Variants in ARHGAP32 observed in about 807,000 individuals in gnomAD.
ARHGAP32 encodes rho GTPase-activating protein 32.
ARHGAP32 carries 51 observed loss-of-function variants against 186.5 expected under a neutral mutation model. The ratio of observed to expected loss-of-function variants is 0.27; its 90% CI spans 0.22 to 0.35. The LOEUF is 0.35. Ranked by LOEUF, ARHGAP32 falls within the 10% of genes least tolerant of loss-of-function variation. The probability of loss-of-function intolerance (pLI) is 1.00; values close to 1 mark genes in which losing one functional copy is unlikely to be tolerated. For synonymous variants in ARHGAP32, 950 were observed against 964.3 expected (o/e 0.99, Z 0.27); for missense variants, 2,186 against 2,623.5 (o/e 0.83, Z 3.64).
chr11:129,071,045 A>G (rs905721368), intron 6 of ARHGAP32, among the ~76,000 whole-genome samples: 5 of 152,080 alleles, frequency 3.3e-5, no homozygotes, highest in Admixed American at 2.6e-4. Flanking sequence ...TGATGGAACT[A>G]TTAGCCTTTT....
At chr11:129,201,061 C>T (rs1164297826) in intron 1 of ARHGAP32, among the ~76,000 whole-genome samples, 2 of 152,212 alleles carry the variant, frequency 1.3e-5, no homozygotes, top group South Asian at 4.1e-4. Flanking sequence ...ACAACAGAAA[C>T]CCATATTCTT....
chr11:129,270,583 A>G (rs747703478), intron 1 of ARHGAP32, among the ~76,000 whole-genome samples: 4 of 151,992 alleles, frequency 2.6e-5, no homozygotes, highest in Non-Finnish European at 5.9e-5. Flanking sequence ...TGATGTTTCA[A>G]TGTAGGCTCA....
At chr11:129,256,946 T>A (rs1640864380) in intron 1 of ARHGAP32, among the ~76,000 whole-genome samples, 1 of 152,140 alleles carries the variant, frequency 6.6e-6, no homozygotes, top group Non-Finnish European at 1.5e-5. Flanking sequence ...CAGCTTGTCA[T>A]CATGTCTAAT....
intron 1 of ARHGAP32, among the ~76,000 whole-genome samples, chr11:129,277,370 A>G (rs1383680775): frequency 6.6e-6 from 1 of 152,220 alleles, no homozygotes; most frequent in East Asian, 1.9e-4. Flanking sequence ...TCAAACCAAC[A>G]TCAAAGGCTC....
chr11:128,976,022 A>G (rs928010859), intron 20 of ARHGAP32, among the ~76,000 whole-genome samples: 3 of 152,022 alleles, frequency 2.0e-5, no homozygotes, highest in African/African-American at 7.2e-5. Flanking sequence ...GGTTGCAGTG[A>G]TCCAAGATTG....
chr11:129,218,718 C>T (rs1944676080), intron 1 of ARHGAP32, among the ~76,000 whole-genome samples: 1 of 150,886 alleles, frequency 6.6e-6, no homozygotes, highest in East Asian at 1.9e-4. Context: ...AGAACTTCCA[C>T]CCAGTGCTGA....
chr11:129,066,397 A>G (rs1940689919), intron 7 of ARHGAP32, among the ~76,000 whole-genome samples: 1 of 151,998 alleles, frequency 6.6e-6, no homozygotes, highest in African/African-American at 2.4e-5. Flanking sequence ...AAACTACTCA[A>G]CACTGTTAAT....
chr11:129,224,067 A>G (rs907053432), intron 1 of ARHGAP32, among the ~76,000 whole-genome samples: 2 of 152,174 alleles, frequency 1.3e-5, no homozygotes. Context: ...AAAAACCAAG[A>G]AACAGCTGAT....
chr11:129,242,172 C>A (rs776918329), intron 1 of ARHGAP32, among the ~76,000 whole-genome samples: 2 of 152,100 alleles, frequency 1.3e-5, no homozygotes, highest in Non-Finnish European at 2.9e-5. Context: ...GTGAGACAAG[C>A]AAACCACCTA....
chr11:129,009,303 GTAATT>G (rs1937950428), intron 11 of ARHGAP32, among the ~76,000 whole-genome samples: 1 of 151,918 alleles, frequency 6.6e-6, no homozygotes, highest in African/African-American at 2.4e-5. Context: ...CCCTTAACTG[GTAATT>G]ACTAGTATGC....
At chr11:129,050,355 TTTC>T (rs1294340140) in intron 10 of ARHGAP32, among the ~76,000 whole-genome samples, 2 of 152,198 alleles carry the variant, frequency 1.3e-5, no homozygotes, top group East Asian at 3.8e-4. Flanking sequence ...ATTGAATTGC[TTTC>T]TTCTTTAATT....
Position 128,969,840 on chromosome 11 carries a change from G to A in ARHGAP32, c.5373C>T (p.Thr1791=), listed in dbSNP as rs762786964. The A allele has an allele frequency of 6.2e-7, 1 of 1,614,150 alleles. No individual in the cohort carries two copies. Among genetic ancestry groups the A allele is most frequent in the Non-Finnish European group, 8.5e-7 (1 of 1,180,034 alleles). Residue 1791 remains threonine, a synonymous_variant, in exon 23 of 23, where the codon ACC becomes ACT. Transcript: ENST00000682385. The surrounding 1 kb of genome is among the most constrained non-coding windows in gnomAD (Gnocchi z 4.8). ...GPVMSQYDNM[T]PAVQDDLGGI... Reference sequence around the variant, plus strand: ...CACCCAAGTCGTCCTGCACCGCCGGGGTCATGTTATCATATTGGGACATGA... The same window carrying A: ...CACCCAAGTCGTCCTGCACCGCCGGAGTCATGTTATCATATTGGGACATGA...
In ARHGAP32 at chr11:129,123,611, T is replaced by A; in HGVS notation, c.360-81A>T. On this transcript the variant is annotated intron_variant, in intron 4 of 22. Transcript: ENST00000682385. This position sits in a 1 kb window ranked among gnomAD's most constrained non-coding sequence, Gnocchi z 4.6. Reference sequence around the variant, plus strand: ...GTTTAAGGGAAAAATACAGTGGATTTAAGAGCTCATGCAAGCAAAAATATT... The same window carrying A: ...GTTTAAGGGAAAAATACAGTGGATTAAAGAGCTCATGCAAGCAAAAATATT... 1 of 1,293,038 alleles carries A rather than the reference T, an allele frequency of 7.7e-7. No homozygotes were observed. The highest frequency in any genetic ancestry group is 1.1e-6 in the Non-Finnish European group (1 of 910,308). The allele number at this position is 1,293,038 out of a possible 1,614,324, so 80.1% of individuals were successfully genotyped here.
At chr11:129,269,278 A>T (rs539782950) in intron 1 of ARHGAP32, among the ~76,000 whole-genome samples, 13 of 151,954 alleles carry the variant, frequency 8.6e-5, no homozygotes, top group Admixed American at 3.3e-4. Context: ...CTCGAAAAAT[A>T]AATTAATTAA....
upstream of ARHGAP32, among the ~76,000 whole-genome samples, chr11:129,194,327 T>C (rs1324229678): frequency 6.6e-6 from 1 of 152,080 alleles, no homozygotes; most frequent in African/African-American, 2.4e-5. Context: ...CAAAATAGGA[T>C]AGCAAAAACA....
intron 1 of ARHGAP32, among the ~76,000 whole-genome samples, chr11:129,177,431 A>G (rs1467436077): frequency 1.3e-5 from 2 of 152,200 alleles, no homozygotes; most frequent in Non-Finnish European, 2.9e-5. Context: ...TCCCTAACTC[A>G]TTTTACGAGG....
chr11:129,098,583 C>A (rs1941802049), intron 5 of ARHGAP32, among the ~76,000 whole-genome samples: 1 of 151,974 alleles, frequency 6.6e-6, no homozygotes, highest in Non-Finnish European at 1.5e-5. Context: ...CCATGCCCAG[C>A]TAATTTTTTG....
At chr11:129,267,342 C>A (rs570837777) in intron 1 of ARHGAP32, among the ~76,000 whole-genome samples, 234 of 152,252 alleles carry the variant, frequency 1.5e-3, no homozygotes, top group Non-Finnish European at 2.8e-3. Flanking sequence ...CCGCTCCAGC[C>A]TGGGCAACAA....
At chr11:129,094,770 A>G (rs1941683675) in intron 5 of ARHGAP32, among the ~76,000 whole-genome samples, 2 of 152,142 alleles carry the variant, frequency 1.3e-5, no homozygotes. Flanking sequence ...TTGGACGTCA[A>G]TTTGCAAACG....
Sources: gnomAD v4.1 joint callset for allele counts (sites outside exome capture counted in the v4.1 genomes callset) on GRCh38, gnomAD v4.1.1 for gene constraint, Gnocchi (gnomAD v3.1) non-coding constraint, MANE v1.5 for transcripts, NCBI Gene and HGNC (gene_info 2026-07-23, HGNC 2026-07-21) for gene names.